Variants in NAALADL2 observed in about 807,000 individuals in gnomAD.
The protein encoded by NAALADL2 is N-acetylated alpha-linked acidic dipeptidase like 2.
In NAALADL2, 76 loss-of-function variants were observed where a neutral mutation model predicts 87.2. The observed-to-expected ratio is 0.87, with a 90% CI of 0.72 to 1.05. The LOEUF is 1.05. Ranked by LOEUF, NAALADL2 falls within the 50% of genes least tolerant of loss-of-function variation. NAALADL2 has a pLI of 0.00. For synonymous variants in NAALADL2, 354 were observed against 331.0 expected, an observed-to-expected ratio of 1.07 and a Z score of -0.75; for missense variants, 1,089 against 945.8, an observed-to-expected ratio of 1.15 and a Z score of -1.99.
chr3:175,447,482 C>T (rs1720892856), intron 6 of NAALADL2, 110 bp downstream of exon 6: 1 of 701,896 alleles, frequency 1.4e-6, no homozygotes, highest in Admixed American at 3.9e-5. Flanking sequence ...AAAACATTGA[C>T]TTTTGATGAA....
At chr3:175,114,045 A>T (rs779934982) in intron 2 of NAALADL2, among the ~76,000 whole-genome samples, 31 of 151,656 alleles carry the variant, frequency 2.0e-4, no homozygotes, top group Non-Finnish European at 3.0e-4. Context: ...AATGTATTTA[A>T]TATCGGCTTC....
At chr3:175,715,184 A>C (rs1213643263) in intron 11 of NAALADL2, among the ~76,000 whole-genome samples, 1 of 152,146 alleles carries the variant, frequency 6.6e-6, no homozygotes, top group Non-Finnish European at 1.5e-5. Flanking sequence ...AAGTAGTTTT[A>C]TGTCCAAGGC....
At chr3:175,049,028 C>A (rs569365558) in intron 1 of NAALADL2, among the ~76,000 whole-genome samples, 1 of 152,224 alleles carries the variant, frequency 6.6e-6, no homozygotes, top group Admixed American at 6.5e-5. Flanking sequence ...CTCCCTTTAT[C>A]CATGGGGATA....
At chr3:175,422,259 T>C (rs1715833721) in intron 5 of NAALADL2, among the ~76,000 whole-genome samples, 1 of 152,040 alleles carries the variant, frequency 6.6e-6, no homozygotes, top group African/African-American at 2.4e-5. Context: ...AAGAAAAAAT[T>C]CAACATATTT....
chr3:175,614,487 G>A (rs1336655743), intron 10 of NAALADL2, among the ~76,000 whole-genome samples: 1 of 152,166 alleles, frequency 6.6e-6, no homozygotes, highest in Non-Finnish European at 1.5e-5. Context: ...AGTGTTGATA[G>A]CATTGTGACA....
chr3:174,456,857 A>C (rs1715872971), intron 1 of NAALADL2, among the ~76,000 whole-genome samples: 1 of 152,204 alleles, frequency 6.6e-6, no homozygotes, highest in Non-Finnish European at 1.5e-5. Flanking sequence ...GCAAAAGCAA[A>C]AAAGTGACAA....
intron 13 of NAALADL2, among the ~76,000 whole-genome samples, chr3:175,783,190 C>G (rs1751406001): frequency 1.3e-5 from 2 of 152,180 alleles, no homozygotes; most frequent in South Asian, 4.1e-4. Flanking sequence ...GTGATGCAGG[C>G]TCTTTTTTGG....
intron 5 of NAALADL2, among the ~76,000 whole-genome samples, chr3:175,429,890 T>C (rs1421506873): frequency 2.0e-5 from 3 of 151,924 alleles, no homozygotes. Flanking sequence ...GAAAGTATAA[T>C]AATAACATTA....
At chr3:175,644,756 C>A (rs574471237) in intron 11 of NAALADL2, among the ~76,000 whole-genome samples, 7 of 152,186 alleles carry the variant, frequency 4.6e-5, no homozygotes, top group African/African-American at 1.7e-4. Context: ...ATTAGCTTGT[C>A]AAATTCCACA....
At chr3:175,792,525 T>A (rs2108297730) in intron 13 of NAALADL2, among the ~76,000 whole-genome samples, 1 of 152,340 alleles carries the variant, frequency 6.6e-6, no homozygotes, top group South Asian at 2.1e-4. Flanking sequence ...CCATGCATTT[T>A]TGACCCTAAG....
chr3:174,442,308 C>G (rs1329007638), intron 1 of NAALADL2, among the ~76,000 whole-genome samples: 12 of 152,080 alleles, frequency 7.9e-5, no homozygotes, highest in Admixed American at 7.2e-4. Context: ...CGATTTTCAC[C>G]ATTTTTTCCC....
chr3:174,503,523 A>G (rs1719031418), intron 1 of NAALADL2, among the ~76,000 whole-genome samples: 1 of 152,152 alleles, frequency 6.6e-6, no homozygotes, highest in South Asian at 2.1e-4. Flanking sequence ...ATAATTGTCC[A>G]AACTCTATTT....
At chr3:174,611,957 A>AT (rs1055180318) in intron 2 of NAALADL2, among the ~76,000 whole-genome samples, 68 of 147,822 alleles carry the variant, frequency 4.6e-4, no homozygotes, top group African/African-American at 1.7e-3. Context: ...TCCCTTTAGC[A>AT]TTTTTTTGTA....
intron 2 of NAALADL2, among the ~76,000 whole-genome samples, chr3:174,553,796 T>C (rs184750241): frequency 0.023 from 3,486 of 148,392 alleles, 61 homozygotes; most frequent in South Asian, 0.045. Context: ...TCGTTTTCCA[T>C]TTCTTGTGAT....
rs183285361 is a variant in NAALADL2, at chr3:174,949,169, G to A, written c.43+89719G>A. ...TCCTACCTCCTACTACCATCACCCT[G>A]GGGGTGATTATTTCAGCATAGGAAT... On this transcript the variant is annotated intron_variant, in intron 1 of 13. Transcript: ENST00000454872. Among the ~76,000 whole-genome samples the A allele has an allele frequency of 1.9e-4, 29 of 152,220 alleles. No homozygotes were observed. In the East Asian group the frequency reaches 5.2e-3, roughly 27 times the overall value.
chr3:175,566,205 A>G (rs1353460142), intron 9 of NAALADL2, among the ~76,000 whole-genome samples: 1 of 152,168 alleles, frequency 6.6e-6, no homozygotes, highest in Non-Finnish European at 1.5e-5. Context: ...GACACGTAAC[A>G]TATAGTTCAG....
At chr3:174,452,066 C>A (rs1327959237) in intron 1 of NAALADL2, among the ~76,000 whole-genome samples, 5 of 151,798 alleles carry the variant, frequency 3.3e-5, no homozygotes, top group African/African-American at 1.2e-4. Context: ...TGGTCTCGAA[C>A]TCCTGGCCTC....
At chr3:174,784,623 G>A (rs1476047044) in intron 3 of NAALADL2, among the ~76,000 whole-genome samples, 1 of 152,196 alleles carries the variant, frequency 6.6e-6, no homozygotes, top group Non-Finnish European at 1.5e-5. Context: ...AAGTCGTTGA[G>A]TAATTTTAGT....
intron 3 of NAALADL2, among the ~76,000 whole-genome samples, chr3:174,833,126 A>C (rs539690238): frequency 6.6e-6 from 1 of 152,296 alleles, no homozygotes; most frequent in South Asian, 2.1e-4. Flanking sequence ...GTTTCTGAGA[A>C]TAAAATCATT....
Sources: gnomAD v4.1 joint callset for allele counts (sites outside exome capture counted in the v4.1 genomes callset) on GRCh38, gnomAD v4.1.1 for gene constraint, MANE v1.5 for transcripts, NCBI Gene and HGNC (gene_info 2026-07-23, HGNC 2026-07-21) for gene names.